Variants in KSR1 observed in about 807,000 individuals in gnomAD.
The protein encoded by KSR1 is kinase suppressor of ras 1, also known as kinase suppressor of ras.
Under a neutral mutation model 92.9 loss-of-function variants are expected in KSR1, and 35 were observed. That is an observed-to-expected ratio of 0.38 (90% CI 0.29 to 0.50). The LOEUF (loss-of-function observed/expected upper bound fraction) is 0.50. Ranked by LOEUF, KSR1 falls within the 20% of genes least tolerant of loss-of-function variation. The pLI, the probability that KSR1 is intolerant of heterozygous loss-of-function variation, is 0.94. For synonymous variants in KSR1, 467 were observed against 472.6 expected, an observed-to-expected ratio of 0.99 and a Z score of 0.15; for missense variants, 972 against 1,158.5, an observed-to-expected ratio of 0.84 and a Z score of 2.34.
chr17:27,497,398 C>A (rs1223664696), intron 1 of KSR1, among the ~76,000 whole-genome samples: 1 of 152,160 alleles, frequency 6.6e-6, no homozygotes, highest in African/African-American at 2.4e-5. Flanking sequence ...AGGATGGTGC[C>A]CAGATGTGGC....
At chr17:27,527,136 A>C in intron 1 of KSR1, 1 of 304,904 alleles carries the variant, frequency 3.3e-6, no homozygotes, top group South Asian at 4.0e-5. Context: ...TCCAGCACAT[A>C]TTTGTACTTT....
chr17:27,495,523 GA>G (rs2068955192), intron 1 of KSR1, among the ~76,000 whole-genome samples: 2 of 152,162 alleles, frequency 1.3e-5, no homozygotes, highest in African/African-American at 4.8e-5. Flanking sequence ...ATAGCCCCCT[GA>G]TCTGCCCCAA....
chr17:27,550,005 G>A lies in KSR1; in HGVS notation c.232-563G>A, dbSNP rs540259061. ...CCAAACCAGCAGGTCTTCCATATTA[G>A]CAATTACCAACTCCCTGACCCCACC... On this transcript the variant is annotated intron_variant, in intron 1 of 20. Transcript: ENST00000644974. Among the ~76,000 whole-genome samples, 79 of 152,232 alleles carry A rather than the reference G, an allele frequency of 5.2e-4. No homozygotes were observed. In the South Asian group the frequency reaches 0.014, roughly 27 times the overall value.
intron 12 of KSR1, 135 bp downstream of exon 12, chr17:27,604,023 C>T (rs952329904): frequency 4.1e-5 from 36 of 882,820 alleles, no homozygotes; most frequent in Non-Finnish European, 6.2e-5. Context: ...CTCATTCACC[C>T]TCTGGGCAAG....
At chr17:27,585,948 T>G (rs2072951289) in intron 5 of KSR1, 244 of 365,968 alleles carry the variant, frequency 6.7e-4, no homozygotes, top group Middle Eastern at 1.5e-3. Flanking sequence ...CACCTTGCCC[T>G]TCCCCACCGA....
chr17:27,623,021 CA>C (rs2074267454), intron 20 of KSR1: 1 of 460,618 alleles, frequency 2.2e-6, no homozygotes, highest in Non-Finnish European at 3.9e-6. Context: ...TCCTGGGCTG[CA>C]AATGAGAAAA....
At chr17:27,579,827 G>GATCAT (rs544929549) in intron 3 of KSR1, 55 of 118,496 alleles carry the variant, frequency 4.6e-4, no homozygotes, top group African/African-American at 1.7e-3. Context: ...AGTGAGCCAA[G>GATCAT]ATCATACCAC....
chr17:27,562,948 T>G (rs767709479), intron 2 of KSR1, among the ~76,000 whole-genome samples: 1 of 152,188 alleles, frequency 6.6e-6, no homozygotes, highest in Non-Finnish European at 1.5e-5. Context: ...CTGAGCCTGC[T>G]TACTGTCTTA....
rs148626148 is a variant in KSR1 at position 27,569,249 on chromosome 17, T to C, written c.373-8243T>C. Among the ~76,000 whole-genome samples the C allele has an allele frequency of 1.4e-3, 214 of 152,296 alleles. 1 individual carries two copies. The highest frequency in any genetic ancestry group is 4.7e-3 in the African/African-American group (196 of 41,570). On this transcript the variant is annotated intron_variant, in intron 2 of 20. Transcript: ENST00000644974. ...TCTCCTCTCTACATTTTGGGAGTAA[T>C]TGGGGGACACACCAGTGCCCAAAGC... is the stretch of plus-strand genomic sequence containing the variant.
At chr17:27,503,956 A>C (rs982383496) in intron 1 of KSR1, among the ~76,000 whole-genome samples, 1 of 152,194 alleles carries the variant, frequency 6.6e-6, no homozygotes, top group Non-Finnish European at 1.5e-5. Context: ...AGCCTATGCA[A>C]TCCTGACAGA....
At chr17:27,474,288 C>T (rs541753514) in intron 1 of KSR1, among the ~76,000 whole-genome samples, 38 of 152,350 alleles carry the variant, frequency 2.5e-4, no homozygotes, top group Middle Eastern at 3.4e-3. Context: ...CAAACAGGCC[C>T]CTGTCACCCT....
chr17:27,472,074 A>G (rs564766568), intron 1 of KSR1: 1 of 152,190 alleles, frequency 6.6e-6, no homozygotes. Flanking sequence ...GGGGCTGCTG[A>G]TACTAGGTAT....
chr17:27,586,738 A>G (rs1480155983), intron 5 of KSR1, among the ~76,000 whole-genome samples: 1 of 152,224 alleles, frequency 6.6e-6, no homozygotes, highest in Non-Finnish European at 1.5e-5. Flanking sequence ...TGCTTGGCAC[A>G]TACACCACCT....
chr17:27,586,002 A>T, intron 5 of KSR1: 1 of 365,058 alleles, frequency 2.7e-6, no homozygotes. Flanking sequence ...GCCACGGTAA[A>T]GCAGCACCCC....
intron 10 of KSR1, among the ~76,000 whole-genome samples, chr17:27,598,902 GGAGAAGGCACGCCTCC>G (rs960693150): frequency 2.0e-5 from 3 of 152,128 alleles, no homozygotes; most frequent in African/African-American, 7.2e-5. Flanking sequence ...TGGTTCAGCT[GGAGAAGGCACGCCTCC>G]TATCGTCCCC....
At chr17:27,517,874 G>T (rs2069864954) in intron 1 of KSR1, among the ~76,000 whole-genome samples, 1 of 152,224 alleles carries the variant, frequency 6.6e-6, no homozygotes. Context: ...GTAAGTGGAA[G>T]ATTTGGGGAC....
At chr17:27,554,683 A>G (rs1475194905) in intron 2 of KSR1, among the ~76,000 whole-genome samples, 2 of 152,210 alleles carry the variant, frequency 1.3e-5, no homozygotes, top group Non-Finnish European at 2.9e-5. Context: ...TTCATTATAT[A>G]TTACAATGTA....
intron 3 of KSR1, among the ~76,000 whole-genome samples, chr17:27,580,958 G>A (rs986953324): frequency 2.0e-5 from 3 of 152,078 alleles, no homozygotes; most frequent in African/African-American, 7.2e-5. Context: ...GTAGACACAG[G>A]GTTTTGCCAT....
At chr17:27,510,849 C>T (rs147278117) in intron 1 of KSR1, among the ~76,000 whole-genome samples, 2 of 152,324 alleles carry the variant, frequency 1.3e-5, no homozygotes, top group East Asian at 3.9e-4. Context: ...CTCTGAGCAT[C>T]CCGCATTGCC....
Sources: allele counts gnomAD v4.1 joint callset (sites outside exome capture counted in the v4.1 genomes callset), GRCh38; gene constraint gnomAD v4.1.1; transcripts MANE v1.5; gene names NCBI Gene and HGNC (gene_info 2026-07-23, HGNC 2026-07-21).